TRPM1: variants seen among roughly 807,000 people sequenced by gnomAD.
TRPM1 encodes the protein TRPM1-203 APA Isoform, Intron 10.
In TRPM1, 113 loss-of-function variants were observed where a neutral mutation model predicts 149.4. That is an observed-to-expected ratio of 0.76 (90% CI 0.65 to 0.88). The LOEUF (loss-of-function observed/expected upper bound fraction) is 0.88. Among genes scored for constraint, TRPM1 ranks in the 40% least tolerant of loss-of-function variants. The pLI, the probability that TRPM1 is intolerant of heterozygous loss-of-function variation, is 0.00. For synonymous variants in TRPM1, 741 were observed against 759.5 expected, an observed-to-expected ratio of 0.98 and a Z score of 0.40; for missense variants, 1,976 against 2,038.7, an observed-to-expected ratio of 0.97 and a Z score of 0.59.
intron 1 of TRPM1, among the ~76,000 whole-genome samples, chr15:31,123,707 G>A (rs748494156): frequency 1.3e-5 from 2 of 152,202 alleles, no homozygotes; most frequent in Non-Finnish European, 2.9e-5. Flanking sequence ...AATTTCAAAT[G>A]CTAGGAGAAT....
intron 1 of TRPM1, among the ~76,000 whole-genome samples, chr15:31,135,745 G>A (rs1479820767): frequency 2.6e-5 from 4 of 152,038 alleles, no homozygotes; most frequent in African/African-American, 9.7e-5. Context: ...GTGAAGAAGA[G>A]CCTGGCACCT....
chr15:31,028,468 C>G lies in TRPM1; in HGVS notation c.3157G>C (p.Gly1053Arg). 6.2e-7 allele frequency: 1 copy of G among 1,613,990 alleles called. No homozygotes were observed. Among genetic ancestry groups the G allele is most frequent in the Non-Finnish European group, 8.5e-7 (1 of 1,180,018 alleles). Residue 1053 changes from glycine to arginine, a missense_variant, in exon 25 of 28, where the codon GGT (glycine) becomes CGT (arginine). Gly to Arg is a moderately radical substitution (Grantham distance 125, BLOSUM62 -2). Around this residue, in one of 3 missense-constraint regions of TRPM1, gnomAD observed 1,332 missense variants for 1,347.1 expected, o/e 0.99. Coordinates refer to ENST00000256552, the MANE Select transcript of TRPM1 (RefSeq NM_001252024.2). ...LYAMEINPPC[G>R]ENLYDEEGKR... ...CCCTCCTCATCATATAGGTTCTCACCACAAGGAGCTGAAAGAAAAAAATAG... is the reference window on the plus strand; with the variant it reads ...CCCTCCTCATCATATAGGTTCTCACGACAAGGAGCTGAAAGAAAAAAATAG...
In TRPM1 at chr15:31,049,387, C is replaced by T; in HGVS notation, c.1560G>A (p.Glu520=). 6.2e-7 allele frequency: 1 copy of T among 1,614,222 alleles called. No individual in the cohort carries two copies. The highest frequency in any genetic ancestry group is 8.5e-7 in the Non-Finnish European group (1 of 1,180,034). ...QHFLTIPRLE[E]LYNTRLGPPN... Reference sequence around the variant, plus strand: ...CTAGAGCACTCACTGTGTTATAAAGCTCCTCCAGCCTCGGAATGGTCAGAA... The same window carrying T: ...CTAGAGCACTCACTGTGTTATAAAGTTCCTCCAGCCTCGGAATGGTCAGAA... The change falls in exon 13 of 28, where the codon GAG becomes GAA. Residue 520 remains glutamate, a synonymous_variant. Transcript: ENST00000256552.
intron 15 of TRPM1, 134 bp downstream of exon 15, chr15:31,046,977 T>G: frequency 7.9e-7 from 1 of 1,259,558 alleles, no homozygotes; most frequent in Non-Finnish European, 1.2e-6. Context: ...CTGAGAGCAC[T>G]GTAGGAGGCA....
intron 1 of TRPM1, among the ~76,000 whole-genome samples, chr15:31,153,539 G>A (rs1596106058): frequency 6.6e-6 from 1 of 152,284 alleles, no homozygotes; most frequent in East Asian, 1.9e-4. Context: ...TGGCCAGGCT[G>A]TCTCGAAATC....
At chr15:31,054,064 T>C (rs542649560) in intron 11 of TRPM1, among the ~76,000 whole-genome samples, 14 of 152,320 alleles carry the variant, frequency 9.2e-5, no homozygotes, top group African/African-American at 3.4e-4. Context: ...AGAATGGTGG[T>C]TGCCAGTCAC....
At chr15:31,089,085 A>G (rs902940003) in intron 1 of TRPM1, among the ~76,000 whole-genome samples, 1 of 152,222 alleles carries the variant, frequency 6.6e-6, no homozygotes, top group Non-Finnish European at 1.5e-5. Flanking sequence ...CCATATTTTT[A>G]AAAAACAAAA....
intron 1 of TRPM1, among the ~76,000 whole-genome samples, chr15:31,111,892 C>A (rs34359249): frequency 0.2 from 30,488 of 150,786 alleles, 3,534 homozygotes; most frequent in African/African-American, 0.3. Flanking sequence ...AAACAAAGCA[C>A]CCACCCCCCC....
Position 31,050,418 on chromosome 15 carries a change from C to T in TRPM1, c.1428G>A (p.Leu476=), listed in dbSNP as rs1207608392. The change falls in exon 12 of 28, where the codon CTG becomes CTA. Residue 476 remains leucine (L), a synonymous_variant. Transcript: ENST00000256552. ...GTGACCTTCCACATACCCAGTTCAG[C>T]AGCTCTATCTTCCGGGGGTCAGTTT... ...EEETDPRKIE[L]LNWVNALEQA... The T allele has an allele frequency of 6.2e-7, 1 of 1,614,034 alleles. No homozygotes were observed. The highest frequency in any genetic ancestry group is 1.3e-5 in the African/African-American group (1 of 74,906).
chr15:31,091,629 G>A (rs141093851), intron 1 of TRPM1, among the ~76,000 whole-genome samples: 80 of 152,282 alleles, frequency 5.3e-4, no homozygotes, highest in African/African-American at 1.9e-3. Context: ...GAAGAATAAG[G>A]AGTGGCACTT....
rs2031803215 is a variant in TRPM1 at position 31,002,281 on chromosome 15, C to G, written c.4419G>C (p.Gly1473=). 1 of 1,614,200 alleles carries G rather than the reference C, an allele frequency of 6.2e-7. No individual in the cohort carries two copies. Among genetic ancestry groups the G allele is most frequent in the African/African-American group, 1.3e-5 (1 of 75,050 alleles). Residue 1473 remains glycine, a synonymous_variant, in exon 28 of 28, where the codon GGG becomes GGC. Transcript: ENST00000256552. ...AACTGTACTCTACATCCTGGTTAAC[C>G]CCACCGACCAGCTTTCTTCCCCGGG... ...VYSRGRKLVG[G]VNQDVEYSSI...
chr15:31,133,992 T>A (rs1352136366), intron 1 of TRPM1, among the ~76,000 whole-genome samples: 1 of 152,062 alleles, frequency 6.6e-6, no homozygotes, highest in Non-Finnish European at 1.5e-5. Flanking sequence ...GTGACCCAAG[T>A]AATTGAGCAA....
At chr15:31,018,911 C>G (rs1001555651) in intron 27 of TRPM1, among the ~76,000 whole-genome samples, 1 of 152,252 alleles carries the variant, frequency 6.6e-6, no homozygotes, top group South Asian at 2.1e-4. Context: ...CCACCTTGGC[C>G]TCCCAAAGTG....
chr15:31,151,584 C>A (rs1249953239), intron 1 of TRPM1, among the ~76,000 whole-genome samples: 1 of 152,228 alleles, frequency 6.6e-6, no homozygotes, highest in Non-Finnish European at 1.5e-5. Flanking sequence ...GGTGCTCTGG[C>A]CAGGGTTTGG....
chr15:31,035,307 A>AT (rs562359325), intron 21 of TRPM1, among the ~76,000 whole-genome samples: 21 of 151,848 alleles, frequency 1.4e-4, no homozygotes, highest in Non-Finnish European at 2.4e-4. Flanking sequence ...CGACTGGCTA[A>AT]TTTTTTTTAT....
chr15:31,090,564 G>A (rs1472695033), intron 1 of TRPM1, among the ~76,000 whole-genome samples: 1 of 151,936 alleles, frequency 6.6e-6, no homozygotes, highest in Non-Finnish European at 1.5e-5. Context: ...CTGAACCTGG[G>A]AGGCAGAGGT....
intron 26 of TRPM1, 165 bp from the exon 27 acceptor site, chr15:31,026,436 A>G: frequency 1.2e-6 from 1 of 860,342 alleles, no homozygotes; most frequent in Non-Finnish European, 1.9e-6. Flanking sequence ...GGGTTGTCAT[A>G]CGCCCCAACC....
chr15:31,139,657 T>C (rs763607438), intron 1 of TRPM1, among the ~76,000 whole-genome samples: 1 of 152,220 alleles, frequency 6.6e-6, no homozygotes. Context: ...TAGTTTAATA[T>C]TGTTGGTTTA....
In TRPM1 at chr15:31,005,012, G is replaced by C. The variant is rs192342967; in HGVS notation, c.3630-1942C>G. The stretch of plus-strand genomic sequence containing the variant: ...AGCTACTTGGGAGGCTGAGGCACGA[G>C]AATTGCTTGCACCCAGGAGGCGGAG... On this transcript the variant is annotated intron_variant, in intron 27 of 27. Coordinates refer to ENST00000256552, the MANE Select transcript of TRPM1 (RefSeq NM_001252024.2). Among the ~76,000 whole-genome samples, 707 of 152,180 alleles carry C rather than the reference G, an allele frequency of 4.6e-3. 5 individuals carry two copies. Among genetic ancestry groups the C allele is most frequent in the African/African-American group, 0.017 (686 of 41,492 alleles).
Sources: allele counts gnomAD v4.1 joint callset (sites outside exome capture counted in the v4.1 genomes callset), GRCh38; gene constraint gnomAD v4.1.1; regional missense constraint gnomAD v4.1.1; transcripts MANE v1.5; gene names NCBI Gene and HGNC (gene_info 2026-07-23, HGNC 2026-07-21).